The following EBF2 variants were observed in gnomAD, a reference collection of about 807,000 sequenced individuals.
EBF2 encodes EBF transcription factor 2.
A neutral mutation model predicts 72.8 loss-of-function variants in EBF2; 21 were observed. The ratio of observed to expected loss-of-function variants is 0.29; its 90% CI spans 0.20 to 0.42. The LOEUF is 0.42. Ranked by LOEUF, EBF2 falls within the 10% of genes least tolerant of loss-of-function variation. The pLI is 1.00. For synonymous variants in EBF2, 299 were observed against 274.2 expected (o/e 1.09, Z -0.89); for missense variants, 637 against 731.2 (o/e 0.87, Z 1.49).
In EBF2 at chr8:26,005,561, T is replaced by TAGAGAG. The variant is rs1554481009; in HGVS notation, c.551+27518_551+27523dup. ...TATATTTTATATATATATATATATA[T>TAGAGAG]AGAGAGAGAGAGAGAGAGGTATTTT... On this transcript the variant is annotated intron_variant, in intron 6 of 15. Transcript: ENST00000520164. 4.9e-4 allele frequency among the ~76,000 whole-genome samples: 31 copies of TAGAGAG among 63,874 alleles called. No homozygotes were observed. The South Asian group carries it at 4.9e-3, about 10-fold the overall frequency. The allele number at this position is 63,874 out of a possible 152,430, so 41.9% of individuals were successfully genotyped here.
At chr8:26,005,555 T>TAGAGAGAGAG (rs1489907148) in intron 6 of EBF2, among the ~76,000 whole-genome samples, 41 of 30,820 alleles carry the variant, frequency 1.3e-3, no homozygotes, top group South Asian at 1.9e-3. Context: ...TATATATATA[T>TAGAGAGAGAG]ATATATAGAG....
chr8:26,024,314 G>T (rs1217201397), intron 6 of EBF2, among the ~76,000 whole-genome samples: 1 of 151,886 alleles, frequency 6.6e-6, no homozygotes, highest in Non-Finnish European at 1.5e-5. Context: ...GGTACTTTTT[G>T]CATTTTGCAT....
At chr8:25,934,180 C>T (rs1389151373) in intron 6 of EBF2, among the ~76,000 whole-genome samples, 1 of 149,672 alleles carries the variant, frequency 6.7e-6, no homozygotes, top group Admixed American at 6.7e-5. Flanking sequence ...CTTAGGACTC[C>T]AGGTGAAGGA....
rs574786717 is a variant in EBF2 at position 25,853,477 on chromosome 8, C to CTTAT, written c.1529-2720_1529-2717dup. Among the ~76,000 whole-genome samples the CTTAT allele has an allele frequency of 5.9e-3, 875 of 147,900 alleles. 9 individuals are homozygous for CTTAT. Among genetic ancestry groups the CTTAT allele is most frequent in the African/African-American group, 0.02 (813 of 40,130 alleles). On this transcript the variant is annotated intron_variant, in intron 14 of 15. Coordinates refer to ENST00000520164, the MANE Select transcript of EBF2 (RefSeq NM_022659.4). ...ATGCTAATTAAAACGGTAAAAAGAT[C>CTTAT]TTATTTTCCACTCACTAAATAGAAA...
chr8:25,919,661 G>A (rs1321640133), intron 6 of EBF2, among the ~76,000 whole-genome samples: 1 of 152,156 alleles, frequency 6.6e-6, no homozygotes. Context: ...TACAAGATAA[G>A]CTAGCTTGGG....
intron 6 of EBF2, among the ~76,000 whole-genome samples, chr8:25,911,958 C>T (rs2117123993): frequency 6.6e-6 from 1 of 152,292 alleles, no homozygotes; most frequent in East Asian, 1.9e-4. Context: ...TTGCACTGTC[C>T]CTTTAGGACC....
At chr8:26,036,967 G>C (rs910387238) in intron 5 of EBF2, among the ~76,000 whole-genome samples, 2 of 152,162 alleles carry the variant, frequency 1.3e-5, no homozygotes, top group African/African-American at 2.4e-5. Flanking sequence ...GGTTAAGACT[G>C]TGTTCGTAAC....
rs1220804624 is a variant in EBF2, at chr8:26,045,353, G to A, written c.-494C>T. On this transcript the variant is annotated 5_prime_UTR_variant, in exon 1 of 16. Transcript: ENST00000520164. ...GGAGCCGAGAGGAGGCGGTGGCTGC[G>A]AGCGCCACGGAGCCCGGCTGCAGCC... is the stretch of plus-strand genomic sequence containing the variant. The A allele has an allele frequency of 6.6e-6, 1 of 152,352 alleles. No homozygotes were observed. Among genetic ancestry groups the A allele is most frequent in the African/African-American group, 2.4e-5 (1 of 41,462 alleles). 9.4% of individuals were successfully genotyped at this position (152,352 alleles called of 1,614,324 possible).
At chr8:25,925,865 C>T (rs1325740836) in intron 6 of EBF2, among the ~76,000 whole-genome samples, 3 of 152,032 alleles carry the variant, frequency 2.0e-5, no homozygotes, top group African/African-American at 7.2e-5. Context: ...CCTTATAGCC[C>T]GTGTGGGGGA....
chr8:25,927,240 T>G (rs1021090080), intron 6 of EBF2, among the ~76,000 whole-genome samples: 1 of 152,132 alleles, frequency 6.6e-6, no homozygotes, highest in Non-Finnish European at 1.5e-5. Flanking sequence ...GCCTGTCTTA[T>G]GAATTTCAGA....
At chr8:25,975,924 T>C (rs1375824677) in intron 6 of EBF2, among the ~76,000 whole-genome samples, 1 of 152,124 alleles carries the variant, frequency 6.6e-6, no homozygotes. Context: ...AAGTTAAAAA[T>C]TACATCTAAA....
At chr8:25,945,865 T>C (rs948202713) in intron 6 of EBF2, among the ~76,000 whole-genome samples, 2 of 152,168 alleles carry the variant, frequency 1.3e-5, no homozygotes, top group Admixed American at 6.5e-5. Context: ...CTAAACCTAT[T>C]GAAACGGTCT....
At chr8:26,023,407 T>A (rs1805235161) in intron 6 of EBF2, among the ~76,000 whole-genome samples, 1 of 152,174 alleles carries the variant, frequency 6.6e-6, no homozygotes, top group African/African-American at 2.4e-5. Context: ...TCACACAATT[T>A]CATAAGGAAG....
intron 6 of EBF2, among the ~76,000 whole-genome samples, chr8:25,916,634 A>G (rs151224121): frequency 1.7e-3 from 251 of 152,052 alleles, no homozygotes; most frequent in African/African-American, 5.8e-3. Flanking sequence ...AGAGAGAGAT[A>G]GTAAAAGAAA....
chr8:25,989,763 A>G (rs1804516063), intron 6 of EBF2, among the ~76,000 whole-genome samples: 1 of 152,208 alleles, frequency 6.6e-6, no homozygotes, highest in South Asian at 2.1e-4. Context: ...TCCGTAAGCT[A>G]AGTGGATTTG....
At chr8:25,942,542 A>G (rs1563408418) in intron 6 of EBF2, among the ~76,000 whole-genome samples, 1 of 152,224 alleles carries the variant, frequency 6.6e-6, no homozygotes, top group African/African-American at 2.4e-5. Flanking sequence ...CATGGAGATT[A>G]ACTGCTGTCT....
chr8:25,972,491 C>A (rs1286749555), intron 6 of EBF2, among the ~76,000 whole-genome samples: 2 of 151,996 alleles, frequency 1.3e-5, no homozygotes, highest in African/African-American at 4.8e-5. Flanking sequence ...GGATGGGCAG[C>A]GTAGGATTAC....
At chr8:25,963,403 A>C (rs1382408751) in intron 6 of EBF2, among the ~76,000 whole-genome samples, 1 of 152,174 alleles carries the variant, frequency 6.6e-6, no homozygotes, top group Admixed American at 6.5e-5. Context: ...CAGTTCTGTA[A>C]AATTCTTCCC....
intron 6 of EBF2, among the ~76,000 whole-genome samples, chr8:25,949,885 C>A (rs559643468): frequency 6.6e-6 from 1 of 152,318 alleles, no homozygotes; most frequent in East Asian, 1.9e-4. Flanking sequence ...CAGTACCACA[C>A]AGGATGACAG....
Sources: gnomAD v4.1 joint callset for allele counts (sites outside exome capture counted in the v4.1 genomes callset) on GRCh38, gnomAD v4.1.1 for gene constraint, MANE v1.5 for transcripts, NCBI Gene and HGNC (gene_info 2026-07-23, HGNC 2026-07-21) for gene names.